The following SARDH variants were observed in gnomAD, a reference collection of about 807,000 sequenced individuals.
SARDH encodes sarcosine dehydrogenase, also known as sarcosine dehydrogenase, mitochondrial.
A neutral mutation model predicts 109.1 loss-of-function variants in SARDH; 95 were observed. The observed-to-expected ratio is 0.87, with a 90% CI of 0.74 to 1.03. The LOEUF (loss-of-function observed/expected upper bound fraction) is 1.03, where lower values mean the gene tolerates loss of function less well. SARDH is among the 50% of genes least tolerant of loss of function. The pLI, the probability that SARDH is intolerant of heterozygous loss-of-function variation, is 0.00. For missense variants in SARDH, 1,267 were observed against 1,287.8 expected (o/e 0.98, Z 0.25); for synonymous variants, 572 against 534.8 (o/e 1.07, Z -0.96).
At chr9:133,671,504 C>A (rs763788715) in intron 18 of SARDH, 31 bp downstream of exon 18, 1 of 1,555,424 alleles carries the variant, frequency 6.4e-7, no homozygotes, top group Admixed American at 1.8e-5. Flanking sequence ...GCGCCCGCCC[C>A]CGCCCCGTGC....
intron 17 of SARDH, among the ~76,000 whole-genome samples, chr9:133,678,883 A>C (rs187427973): frequency 4.1e-4 from 62 of 152,270 alleles, no homozygotes; most frequent in Non-Finnish European, 6.2e-4. Flanking sequence ...GCTGTCTCCC[A>C]TGCCCCTGAT....
intron 19 of SARDH, among the ~76,000 whole-genome samples, chr9:133,667,333 A>T (rs1291078844): frequency 6.6e-6 from 1 of 151,168 alleles, no homozygotes; most frequent in African/African-American, 2.4e-5. Flanking sequence ...TGCCCGGCTA[A>T]TTTTGTATTT....
Position 133,685,240 on chromosome 9 carries a change from C to T in SARDH, c.2116G>A (p.Ala706Thr). The T allele has an allele frequency of 1.9e-6, 3 of 1,614,022 alleles. No homozygotes were observed. The highest frequency in any genetic ancestry group is 2.5e-6 in the Non-Finnish European group (3 of 1,179,980). ...EVLDADLSNEAFPFSTHKLLR... is the reference protein window; with the variant it reads ...EVLDADLSNETFPFSTHKLLR... Reference sequence around the variant, plus strand: ...AGCTTGTGGGTGGAGAACGGGAAGGCCTCGTTGCTCAGGTCTGCGTCCAGC... The same window carrying T: ...AGCTTGTGGGTGGAGAACGGGAAGGTCTCGTTGCTCAGGTCTGCGTCCAGC... The change falls in exon 17 of 21, where the codon GCC becomes ACC. Residue 706 changes from alanine to threonine, a missense_variant. Coordinates refer to ENST00000439388, the MANE Select transcript of SARDH (RefSeq NM_001134707.2).
chr9:133,683,542 T>TC (rs1830775031), intron 17 of SARDH, among the ~76,000 whole-genome samples: 1 of 152,196 alleles, frequency 6.6e-6, no homozygotes, highest in South Asian at 2.1e-4. Context: ...GCTGTGCTGC[T>TC]CTCTCTGAGT....
rs1281267996 is a variant in SARDH at position 133,712,167 on chromosome 9, AG to A, written c.1328+451del. 6.6e-6 allele frequency among the ~76,000 whole-genome samples: 1 copy of A among 152,182 alleles called. No homozygotes were observed. Among genetic ancestry groups the A allele is most frequent in the Non-Finnish European group, 1.5e-5 (1 of 68,030 alleles). Reference sequence around the variant, plus strand: ...TCCCCATCACCCTGCATTAGAGACGAGGAAGTGGCTTGCACTGGGTCTCATT... The same window carrying A: ...TCCCCATCACCCTGCATTAGAGACGAGAAGTGGCTTGCACTGGGTCTCATT... On this transcript the variant is annotated intron_variant, in intron 10 of 20. Coordinates refer to ENST00000439388, the MANE Select transcript of SARDH (RefSeq NM_001134707.2). The surrounding 1 kb of genome is among the most constrained non-coding windows in gnomAD (Gnocchi z 4.1).
rs1336995676 is a variant in SARDH, at chr9:133,718,852, G to A, written c.1020+86C>T. On this transcript the variant is annotated intron_variant, in intron 7 of 20. Coordinates refer to ENST00000439388, the MANE Select transcript of SARDH (RefSeq NM_001134707.2). The surrounding 1 kb of genome is among the most constrained non-coding windows in gnomAD (Gnocchi z 4.2). Reference sequence around the variant, plus strand: ...CAGGTGTGCCTCTGAGGAGCTTCAGGAGGATGGACTTCCTGAAAGAGGCCC... The same window carrying A: ...CAGGTGTGCCTCTGAGGAGCTTCAGAAGGATGGACTTCCTGAAAGAGGCCC... 9.4e-7 allele frequency: 1 copy of A among 1,065,546 alleles called. No individual in the cohort carries two copies. The highest frequency in any genetic ancestry group is 2.5e-5 in the East Asian group (1 of 40,148). The allele number at this position is 1,065,546 out of a possible 1,614,324, so 66.0% of individuals were successfully genotyped here. A position where few individuals can be genotyped will look rare whatever the true frequency, so the allele number is the denominator to read the frequency against.
chr9:133,735,432 A>G (rs1481702142), intron 1 of SARDH, among the ~76,000 whole-genome samples: 1 of 152,226 alleles, frequency 6.6e-6, no homozygotes, highest in Non-Finnish European at 1.5e-5. Context: ...ATGAGAATGC[A>G]AGAGGGAGCC....
chr9:133,712,933 C>T lies in SARDH; in HGVS notation c.1237+105G>A. On this transcript the variant is annotated intron_variant, in intron 9 of 20. Coordinates refer to ENST00000439388, the MANE Select transcript of SARDH (RefSeq NM_001134707.2). This position sits in a 1 kb window ranked among gnomAD's most constrained non-coding sequence, Gnocchi z 4.1. ...TGGACTCCCCAGCCTCTCCTGTCCC[C>T]ACCACTGTCGGGGGCCACGGTGCTC... 8.3e-7 allele frequency: 1 copy of T among 1,200,824 alleles called. No individual in the cohort carries two copies. The highest frequency in any genetic ancestry group is 1.2e-6 in the Non-Finnish European group (1 of 839,952). The allele number at this position is 1,200,824 out of a possible 1,614,324, so 74.4% of individuals were successfully genotyped here.
intron 17 of SARDH, among the ~76,000 whole-genome samples, chr9:133,679,859 G>A (rs129950): frequency 2.0e-3 from 299 of 152,260 alleles, no homozygotes; most frequent in Non-Finnish European, 3.0e-3. Context: ...GCCCGCTCTC[G>A]CACCCGGGGC....
intron 8 of SARDH, among the ~76,000 whole-genome samples, chr9:133,713,621 G>A (rs181833588): frequency 2.6e-5 from 4 of 152,348 alleles, no homozygotes; most frequent in Admixed American, 1.3e-4. Context: ...GCCAACAAAG[G>A]CTCCCAACTT....
chr9:133,724,602 C>A (rs1832428141), intron 6 of SARDH, among the ~76,000 whole-genome samples: 1 of 152,182 alleles, frequency 6.6e-6, no homozygotes, highest in Non-Finnish European at 1.5e-5. Flanking sequence ...GGAAAATAGT[C>A]CGACAGTTCG....
chr9:133,663,980 G>T lies in SARDH; in HGVS notation c.2666C>A (p.Ala889Asp). 6.2e-7 allele frequency: 1 copy of T among 1,614,170 alleles called. No individual in the cohort carries two copies. The highest frequency in any genetic ancestry group is 8.5e-7 in the Non-Finnish European group (1 of 1,180,018). Reference sequence around the variant, plus strand: ...ATAGGTCACCCCCATTCTCTCCAGGGCATAGTCCCCGCTCTTCACAAAGTC... The same window carrying T: ...ATAGGTCACCCCCATTCTCTCCAGGTCATAGTCCCCGCTCTTCACAAAGTC... The part of the protein sequence containing the change: ...SLDFVKSGDY[A>D]LERMGVTYGA... Residue 889 changes from alanine (A) to aspartate (D), a missense_variant, in exon 21 of 21, where the codon GCC becomes GAC. Physicochemically the swap from Ala to Asp is moderately radical, Grantham distance 126. Transcript: ENST00000439388.
At chr9:133,700,745 A>G (rs972687340) in intron 13 of SARDH, among the ~76,000 whole-genome samples, 1 of 152,130 alleles carries the variant, frequency 6.6e-6, no homozygotes, top group Admixed American at 6.5e-5. Context: ...GCGCACACAC[A>G]CACACACATA....
intron 8 of SARDH, 41 bp from the exon 9 acceptor site, chr9:133,713,165 G>A: frequency 6.4e-7 from 1 of 1,553,710 alleles, no homozygotes; most frequent in Non-Finnish European, 8.8e-7. Context: ...CTTTTGCAGT[G>A]CACATACTCT....
chr9:133,673,044 A>T (rs1273879530), intron 17 of SARDH, among the ~76,000 whole-genome samples: 1 of 152,196 alleles, frequency 6.6e-6, no homozygotes, highest in Non-Finnish European at 1.5e-5. Flanking sequence ...CTGTGGGCTG[A>T]GGCGGACACA....
At chr9:133,710,589 TC>T (rs1346719753) in intron 10 of SARDH, among the ~76,000 whole-genome samples, 3 of 152,126 alleles carry the variant, frequency 2.0e-5, no homozygotes, top group African/African-American at 7.2e-5. Context: ...AGGGGAGAGC[TC>T]CGTTCTGGCG....
Position 133,703,005 on chromosome 9 carries a change from C to A in SARDH, c.1579G>T (p.Ala527Ser), listed in dbSNP as rs1325639279. The change falls in exon 13 of 21, where the codon GCT becomes TCT. Residue 527 changes from alanine to serine, a missense_variant. Physicochemically the swap from Ala to Ser is moderately conservative, Grantham distance 99. Transcript: ENST00000439388. ...APVLEYDYYG[A>S]YGSRAHEDYA... The stretch of plus-strand genomic sequence containing the variant: ...TCCTCGTGCGCGCGGCTCCCGTAAG[C>A]CCCGTAGTAGTCGTACTCGAGGACC... 2 of 1,613,340 alleles carry A rather than the reference C, an allele frequency of 1.2e-6. No individual in the cohort carries two copies. The highest frequency in any genetic ancestry group is 3.3e-5 in the Admixed American group (2 of 60,000).
Position 133,718,774 on chromosome 9 carries a change from G to T in SARDH, c.1020+164C>A, listed in dbSNP as rs1488222476. On this transcript the variant is annotated intron_variant, in intron 7 of 20. Transcript: ENST00000439388. The surrounding 1 kb of genome is among the most constrained non-coding windows in gnomAD (Gnocchi z 4.2). Reference sequence around the variant, plus strand: ...TTTGACTGCCTGCCAGGACCGTCAGGGTAAGAGCAAGATGGCTTTGAGCTT... The same window carrying T: ...TTTGACTGCCTGCCAGGACCGTCAGTGTAAGAGCAAGATGGCTTTGAGCTT... The T allele has an allele frequency of 8.9e-6, 7 of 785,502 alleles. No individual in the cohort carries two copies. The highest frequency in any genetic ancestry group is 1.7e-5 in the Non-Finnish European group (7 of 424,060). The allele number at this position is 785,502 out of a possible 1,614,324, so 48.7% of individuals were successfully genotyped here.
rs777333667 is a variant in SARDH at position 133,724,035 on chromosome 9, G to C, written c.916-4993C>G. ...GTAAATCTTTATAGTCTTGGGTTGGGAAATGTCTTCTTAAATATGACACCA... is the reference window on the plus strand; with the variant it reads ...GTAAATCTTTATAGTCTTGGGTTGGCAAATGTCTTCTTAAATATGACACCA... On this transcript the variant is annotated intron_variant, in intron 6 of 20. Transcript: ENST00000439388. 3.5e-4 allele frequency among the ~76,000 whole-genome samples: 53 copies of C among 152,068 alleles called. 1 individual carries two copies. The highest frequency in any genetic ancestry group is 2.2e-3 in the Admixed American group (34 of 15,266).
Sources: allele counts gnomAD v4.1 joint callset (sites outside exome capture counted in the v4.1 genomes callset), GRCh38; gene constraint gnomAD v4.1.1; non-coding constraint Gnocchi (gnomAD v3.1); transcripts MANE v1.5; gene names NCBI Gene and HGNC (gene_info 2026-07-23, HGNC 2026-07-21).